Variants in PPIG observed in about 807,000 individuals in gnomAD.
PPIG encodes the protein peptidyl-prolyl cis-trans isomerase G.
Under a neutral mutation model 87.9 loss-of-function variants are expected in PPIG, and 26 were observed. That is an observed-to-expected ratio of 0.30 (90% confidence interval 0.22 to 0.41). The LOEUF is 0.41. PPIG is among the 10% of genes least tolerant of loss of function. The pLI, the probability that PPIG is intolerant of heterozygous loss-of-function variation, is 1.00. For missense variants in PPIG, 722 were observed against 879.4 expected, an observed-to-expected ratio of 0.82 and a Z score of 2.26; for synonymous variants, 308 against 276.5, an observed-to-expected ratio of 1.11 and a Z score of -1.13.
chr2:169,597,855 C>T (rs200885284), intron 1 of PPIG, among the ~76,000 whole-genome samples: 6 of 150,714 alleles, frequency 4.0e-5, no homozygotes, highest in East Asian at 3.9e-4. Context: ...CTGTACCTTG[C>T]TTGTTTGTTT....
At chr2:169,598,667 C>T (rs1685088717) in intron 1 of PPIG, among the ~76,000 whole-genome samples, 1 of 151,904 alleles carries the variant, frequency 6.6e-6, no homozygotes, top group East Asian at 1.9e-4. Context: ...TTGGAGACAG[C>T]AGTAAATGAA....
At chr2:169,633,281 A>T in intron 12 of PPIG, 34 bp downstream of exon 12, 1 of 1,410,644 alleles carries the variant, frequency 7.1e-7, no homozygotes, top group South Asian at 1.2e-5. Context: ...TCTTCACAAT[A>T]TTGCATTTGT....
At chr2:169,614,962 A>T (rs1685575444) in intron 9 of PPIG, among the ~76,000 whole-genome samples, 1 of 152,130 alleles carries the variant, frequency 6.6e-6, no homozygotes, top group African/African-American at 2.4e-5. Context: ...AAATTGAGCT[A>T]ATTAACATTT....
At chr2:169,616,438 G>A (rs1448395180) in intron 9 of PPIG, among the ~76,000 whole-genome samples, 1 of 152,138 alleles carries the variant, frequency 6.6e-6, no homozygotes, top group Non-Finnish European at 1.5e-5. Flanking sequence ...CTTCTACAAT[G>A]GTTGAACTAA....
intron 1 of PPIG, among the ~76,000 whole-genome samples, chr2:169,594,019 G>A (rs574118130): frequency 6.6e-6 from 1 of 152,052 alleles, no homozygotes; most frequent in African/African-American, 2.4e-5. Context: ...TTTAATTATT[G>A]TTGAACCAGA....
intron 1 of PPIG, among the ~76,000 whole-genome samples, chr2:169,586,743 T>G (rs1684715531): frequency 6.7e-6 from 1 of 149,170 alleles, no homozygotes; most frequent in Admixed American, 6.6e-5. Context: ...AGTTGCCCCT[T>G]TAGTTAGGCT....
At chr2:169,606,990 C>G (rs952707409) in intron 5 of PPIG, 114 bp from the exon 6 acceptor site, 1 of 709,256 alleles carries the variant, frequency 1.4e-6, no homozygotes, top group Admixed American at 2.6e-5. Context: ...CTGCAATCTT[C>G]GAATATTGTT....
intron 13 of PPIG, 82 bp from the exon 14 acceptor site, chr2:169,636,331 A>T: frequency 6.8e-7 from 1 of 1,467,132 alleles, no homozygotes; most frequent in Non-Finnish European, 9.1e-7. Context: ...TACCTTAAGA[A>T]AAGTAGAATA....
intron 9 of PPIG, 70 bp downstream of exon 9, chr2:169,614,794 G>A: frequency 7.0e-7 from 1 of 1,427,384 alleles, no homozygotes; most frequent in Non-Finnish European, 9.4e-7. Context: ...CTAAATAGTT[G>A]ACATGAAATT....
At chr2:169,584,827 C>T (rs1432627314) in intron 1 of PPIG, 1 of 296,734 alleles carries the variant, frequency 3.4e-6, no homozygotes, top group African/African-American at 2.3e-5. Context: ...GCGGCAGCGA[C>T]TGCGGCCTGA....
rs566969872 is a variant in PPIG, at chr2:169,618,126, A to G, written c.547+3402A>G. ...TTGAGATAATTGTGTGGTTTTTGTC[A>G]CTGGTTCTGTTTATGTGATAGATTA... On this transcript the variant is annotated intron_variant, in intron 9 of 13. Transcript: ENST00000260970. 2.6e-5 allele frequency among the ~76,000 whole-genome samples: 4 copies of G among 152,144 alleles called. No individual in the cohort carries two copies. The South Asian group carries it at 8.3e-4, about 32-fold the overall frequency.
In PPIG at chr2:169,637,567, T is replaced by A; in HGVS notation, c.*44T>A. ...CTTCCATTCTGTTTCGGATTTTAAG[T>A]TTGAGAGACTTGCTAATGAATCTCC... On this transcript the variant is annotated 3_prime_UTR_variant, in exon 14 of 14. Coordinates refer to ENST00000260970, the MANE Select transcript of PPIG (RefSeq NM_004792.3). 3.4e-6 allele frequency: 5 copies of A among 1,459,104 alleles called. 1 individual carries two copies. The South Asian group carries it at 6.0e-5, about 18-fold the overall frequency. 90.4% of individuals were successfully genotyped at this position (1,459,104 alleles called of 1,614,324 possible). A position where few individuals can be genotyped will look rare whatever the true frequency, so the allele number is the denominator to read the frequency against.
At chr2:169,603,031 G>A (rs1685226665) in intron 1 of PPIG, among the ~76,000 whole-genome samples, 1 of 152,202 alleles carries the variant, frequency 6.6e-6, no homozygotes, top group Non-Finnish European at 1.5e-5. Context: ...AGCCTCAGCA[G>A]CTGGCTTGGA....
At chr2:169,616,948 C>G (rs1173448679) in intron 9 of PPIG, among the ~76,000 whole-genome samples, 14 of 152,076 alleles carry the variant, frequency 9.2e-5, no homozygotes, top group Admixed American at 5.9e-4. Flanking sequence ...ATGGTATTGC[C>G]TAGGTTTTAT....
rs1415116847 is a variant in PPIG, at chr2:169,594,392, G to C, written c.-69-9250G>C. 3.3e-5 allele frequency among the ~76,000 whole-genome samples: 5 copies of C among 149,700 alleles called. No homozygotes were observed. The East Asian group carries it at 9.8e-4, about 29-fold the overall frequency. On this transcript the variant is annotated intron_variant, in intron 1 of 13. Coordinates refer to ENST00000260970, the MANE Select transcript of PPIG (RefSeq NM_004792.3). ...ATTGTTTCCTGATTACGAAATTGAA[G>C]AAAAATTGGAAAACAAATACATTAA...
intron 9 of PPIG, among the ~76,000 whole-genome samples, chr2:169,617,630 G>A (rs1377807449): frequency 2.0e-5 from 3 of 152,154 alleles, no homozygotes; most frequent in Non-Finnish European, 4.4e-5. Context: ...TTGAGAATGG[G>A]AGTTCACTCA....
chr2:169,602,408 C>T (rs140902791), intron 1 of PPIG, among the ~76,000 whole-genome samples: 15,182 of 152,142 alleles, frequency 0.1, 961 homozygotes, highest in Middle Eastern at 0.19. Flanking sequence ...CTCTACCTCC[C>T]GGGCTCAAGC....
rs185837225 is a variant in PPIG at position 169,639,479 on chromosome 2, C to G, written c.*1956C>G. On this transcript the variant is annotated 3_prime_UTR_variant, in exon 14 of 14. Coordinates refer to ENST00000260970, the MANE Select transcript of PPIG (RefSeq NM_004792.3). The stretch of plus-strand genomic sequence containing the variant: ...ATGTTGTCTGATCCCAGAGCTTTAT[C>G]TACTAAAAATTATACATAAGGATTT... 1.3e-5 allele frequency: 2 copies of G among 151,972 alleles called. No homozygotes were observed. The highest frequency in any genetic ancestry group is 1.3e-4 in the Admixed American group (2 of 15,262). 9.4% of individuals were successfully genotyped at this position (151,972 alleles called of 1,614,324 possible). A position where few individuals can be genotyped will look rare whatever the true frequency, so the allele number is the denominator to read the frequency against.
At chr2:169,593,533 A>C (rs1343067720) in intron 1 of PPIG, among the ~76,000 whole-genome samples, 1 of 152,150 alleles carries the variant, frequency 6.6e-6, no homozygotes, top group Non-Finnish European at 1.5e-5. Flanking sequence ...ACAGACACAC[A>C]CAATAATGAT....
Sources: gnomAD v4.1 joint callset for allele counts (sites outside exome capture counted in the v4.1 genomes callset) on GRCh38, gnomAD v4.1.1 for gene constraint, MANE v1.5 for transcripts, NCBI Gene and HGNC (gene_info 2026-07-23, HGNC 2026-07-21) for gene names.